The following TRAF3IP2 variants were observed in gnomAD, a reference collection of about 807,000 sequenced individuals.
TRAF3IP2 encodes TRAF3 interacting protein 2.
A neutral mutation model predicts 57.9 loss-of-function variants in TRAF3IP2; 35 were observed. The observed-to-expected ratio is 0.60, with a 90% CI of 0.46 to 0.80. TRAF3IP2 has a LOEUF of 0.80. Among genes scored for constraint, TRAF3IP2 ranks in the 30% least tolerant of loss-of-function variants. The probability of loss-of-function intolerance (pLI) is 0.00; values close to 1 mark genes in which losing one functional copy is unlikely to be tolerated. For missense variants in TRAF3IP2, 556 were observed against 706.4 expected (o/e 0.79, Z 2.41); for synonymous variants, 251 against 268.9 (o/e 0.93, Z 0.65).
rs73764011 is a variant in TRAF3IP2, at chr6:111,582,915, T to C, written c.830-2526A>G. Among the ~76,000 whole-genome samples the C allele has an allele frequency of 6.0e-3, 913 of 152,280 alleles. 13 individuals are homozygous for C. Among genetic ancestry groups the C allele is most frequent in the African/African-American group, 0.02 (843 of 41,584 alleles). Reference sequence around the variant, plus strand: ...TGGGATCCTGAGTTTGCCACCCTCTTTGTCCAGAATGTTTTTGCCCTAGAT... The same window carrying C: ...TGGGATCCTGAGTTTGCCACCCTCTCTGTCCAGAATGTTTTTGCCCTAGAT... On this transcript the variant is annotated intron_variant, in intron 2 of 8. Transcript: ENST00000368761.
At chr6:111,593,065 G>C (rs1038198766) in intron 1 of TRAF3IP2, among the ~76,000 whole-genome samples, 4 of 152,228 alleles carry the variant, frequency 2.6e-5, no homozygotes, top group Admixed American at 6.5e-5. Flanking sequence ...TCATTAAACT[G>C]ATTGAGATGA....
intron 1 of TRAF3IP2, among the ~76,000 whole-genome samples, chr6:111,594,986 C>T (rs536806922): frequency 1.3e-5 from 2 of 152,362 alleles, no homozygotes; most frequent in East Asian, 3.9e-4. Context: ...AGTCCCAACA[C>T]TTTGGAAGGC....
chr6:111,567,784 G>T, intron 5 of TRAF3IP2, 92 bp from the exon 6 acceptor site: 1 of 967,530 alleles, frequency 1.0e-6, no homozygotes, highest in Non-Finnish European at 1.4e-6. Context: ...TACATTTAAA[G>T]CTCCAAAACT....
At chr6:111,567,283 A>G in intron 6 of TRAF3IP2, 1 of 1,043,892 alleles carries the variant, frequency 9.6e-7, no homozygotes, top group Non-Finnish European at 1.2e-6. Context: ...ATTCTACAAA[A>G]CACTTGGGGT....
intron 1 of TRAF3IP2, among the ~76,000 whole-genome samples, chr6:111,603,901 A>G (rs1312258052): frequency 2.6e-5 from 4 of 152,356 alleles, no homozygotes; most frequent in African/African-American, 7.2e-5. Flanking sequence ...AGTGACTGGT[A>G]GCTGCAGCAG....
At position 111,555,768 on chromosome 6, in the gene TRAF3IP2, G is replaced by A. The variant is rs1403000068; in HGVS notation, c.*3637C>T. ...GACCAGCATAACATCTAAATCAACC[G>A]AGTGTTAATCTTATTGTCAGTGCTC... On this transcript the variant is annotated 3_prime_UTR_variant, in exon 9 of 9. Coordinates refer to ENST00000368761, the MANE Select transcript of TRAF3IP2 (RefSeq NM_147686.4). Among the ~76,000 whole-genome samples, 2 of 152,086 alleles carry A rather than the reference G, an allele frequency of 1.3e-5. No individual in the cohort carries two copies. Among genetic ancestry groups the A allele is most frequent in the African/African-American group, 2.4e-5 (1 of 41,408 alleles).
At position 111,559,423 on chromosome 6, in the gene TRAF3IP2, A is replaced by G. The variant is rs1795352510; in HGVS notation, c.1680T>C (p.Leu560=). The change falls in exon 9 of 9, where the codon CTT becomes CTC. Residue 560 remains leucine (L), a synonymous_variant. Coordinates refer to ENST00000368761, the MANE Select transcript of TRAF3IP2 (RefSeq NM_147686.4). ...AACGGTGTCACAAGGGAACCACCTG[A>G]AGGGTGGGCAGAGGCCCCCGTGGAG... is the stretch of plus-strand genomic sequence containing the variant. ...VAPPRGPLPT[L]QVVPL 1 of 1,613,874 alleles carries G rather than the reference A, an allele frequency of 6.2e-7. No homozygotes were observed.
At chr6:111,559,932 C>A (rs1359479173) in intron 8 of TRAF3IP2, among the ~76,000 whole-genome samples, 1 of 152,202 alleles carries the variant, frequency 6.6e-6, no homozygotes, top group Non-Finnish European at 1.5e-5. Context: ...TAAATCAATT[C>A]ATTACTCTTT....
intron 2 of TRAF3IP2, among the ~76,000 whole-genome samples, chr6:111,580,595 A>G (rs1411862321): frequency 6.6e-6 from 1 of 152,216 alleles, no homozygotes; most frequent in African/African-American, 2.4e-5. Context: ...GTCCTAAATA[A>G]AAACATCTGC....
At chr6:111,570,455 T>G (rs1397922976) in intron 5 of TRAF3IP2, among the ~76,000 whole-genome samples, 3 of 152,190 alleles carry the variant, frequency 2.0e-5, no homozygotes, top group Admixed American at 6.5e-5. Flanking sequence ...AATAGGCCCC[T>G]TATTACACTC....
At chr6:111,571,424 C>T (rs1207270681) in intron 5 of TRAF3IP2, among the ~76,000 whole-genome samples, 4 of 152,026 alleles carry the variant, frequency 2.6e-5, no homozygotes, top group African/African-American at 7.2e-5. Context: ...GTTGCCTAGG[C>T]TCGTCCCGAA....
intron 2 of TRAF3IP2, among the ~76,000 whole-genome samples, chr6:111,587,551 G>A (rs546630540): frequency 1.3e-4 from 20 of 151,874 alleles, no homozygotes; most frequent in Non-Finnish European, 2.8e-4. Flanking sequence ...CACTGCACCC[G>A]GCCGTTTGCT....
chr6:111,580,305 C>T lies in TRAF3IP2; in HGVS notation c.914G>A (p.Arg305Lys), dbSNP rs1410568465. 2.9e-5 allele frequency: 47 copies of T among 1,609,106 alleles called. No homozygotes were observed. The highest frequency in any genetic ancestry group is 4.0e-5 in the Non-Finnish European group (47 of 1,178,600). Reference sequence around the variant, plus strand: ...AACCTTCTGCACAGGGTGCAGGCCTCTCACACTGGCTCCAGGCAGGGGCTG... The same window carrying T: ...AACCTTCTGCACAGGGTGCAGGCCTTTCACACTGGCTCCAGGCAGGGGCTG... ...PGQPLPGASVRGLHPVQKVIL... is the reference protein window; with the variant it reads ...PGQPLPGASVKGLHPVQKVIL... Residue 305 changes from arginine to lysine, a missense_variant, in exon 3 of 9, where the codon AGA becomes AAA. Arg to Lys is a conservative substitution (Grantham distance 26, BLOSUM62 2). This residue lies in a region of TRAF3IP2 where 428 missense variants were observed against 498.7 expected (regional missense o/e 0.86). Transcript: ENST00000368761.
rs776715097 is a variant in TRAF3IP2, at chr6:111,591,843, A to T, written c.244T>A (p.Cys82Ser). 2 of 1,614,252 alleles carry T rather than the reference A, an allele frequency of 1.2e-6. No individual in the cohort carries two copies. The highest frequency in any genetic ancestry group is 1.7e-6 in the Non-Finnish European group (2 of 1,180,046). ...HQRPVSRQVTCLRTQVLEDSE... is the reference protein window; with the variant it reads ...HQRPVSRQVTSLRTQVLEDSE... ...TCCTCCAGAACTTGAGTGCGCAGGC[A>T]GGTGACCTGCCGGGATACAGGCCGC... The change falls in exon 2 of 9, where the codon TGC becomes AGC. Residue 82 changes from cysteine (C) to serine (S), a missense_variant. Cys to Ser is a moderately radical substitution (Grantham distance 112). Transcript: ENST00000368761. This position sits in a 1 kb window ranked among gnomAD's most constrained non-coding sequence, Gnocchi z 4.9.
rs1796512008 is a variant in TRAF3IP2, at chr6:111,591,491, T to C, written c.596A>G (p.Tyr199Cys). 1 of 1,610,038 alleles carries C rather than the reference T, an allele frequency of 6.2e-7. No homozygotes were observed. Among genetic ancestry groups the C allele is most frequent in the African/African-American group, 1.3e-5 (1 of 74,930 alleles). Residue 199 changes from tyrosine to cysteine, a missense_variant, in exon 2 of 9, where the codon TAT (tyrosine) becomes TGT (cysteine). Tyr to Cys is a radical substitution (Grantham distance 194). Transcript: ENST00000368761. This position sits in a 1 kb window ranked among gnomAD's most constrained non-coding sequence, Gnocchi z 4.9. ...CAGGACATCCTGGGGCTGGGAATCA[T>C]ATCCCGTGTCTATGGTTGGCAGATC... ...GLDLPTIDTG[Y>C]DSQPQDVLGI...
rs762108238 is a variant in TRAF3IP2 at position 111,566,465 on chromosome 6, A to G, written c.1455T>C (p.His485=). Residue 485 remains histidine, a synonymous_variant, in exon 7 of 9, where the codon CAT becomes CAC. Transcript: ENST00000368761. The part of the protein sequence containing the change: ...SQLDEDEHGL[H]TKYIHRMMQI... ...TCACCATTCGATGAATGTACTTAGT[A>G]TGTAAGCCATGCTCATCCTCGTCCA... 5 of 1,614,100 alleles carry G rather than the reference A, an allele frequency of 3.1e-6. No individual in the cohort carries two copies. Among genetic ancestry groups the G allele is most frequent in the South Asian group, 2.2e-5 (2 of 91,072 alleles).
At chr6:111,597,220 T>G (rs1344300919) in intron 1 of TRAF3IP2, among the ~76,000 whole-genome samples, 1 of 152,100 alleles carries the variant, frequency 6.6e-6, no homozygotes, top group Non-Finnish European at 1.5e-5. Context: ...AGCACCCAAG[T>G]TAGGTCTGGG....
chr6:111,595,998 T>A (rs901265191), intron 1 of TRAF3IP2, among the ~76,000 whole-genome samples: 1 of 151,988 alleles, frequency 6.6e-6, no homozygotes, highest in Non-Finnish European at 1.5e-5. Context: ...TGCTTGTCGC[T>A]CCCTCTTCAT....
rs1313337117 is a variant in TRAF3IP2, at chr6:111,556,476, C to T, written c.*2929G>A. ...TTGCTGATGTCATTTTATTTACAAA[C>T]GGGTGTCGAATCCTTAATGATGGTG... On this transcript the variant is annotated 3_prime_UTR_variant, in exon 9 of 9. Transcript: ENST00000368761. 6.6e-6 allele frequency: 1 copy of T among 152,002 alleles called. No homozygotes were observed. The highest frequency in any genetic ancestry group is 1.5e-5 in the Non-Finnish European group (1 of 68,002). 9.4% of individuals were successfully genotyped at this position (152,002 alleles called of 1,614,324 possible).
Sources: allele counts gnomAD v4.1 joint callset (sites outside exome capture counted in the v4.1 genomes callset), GRCh38; gene constraint gnomAD v4.1.1; regional missense constraint gnomAD v4.1.1; non-coding constraint Gnocchi (gnomAD v3.1); transcripts MANE v1.5; gene names NCBI Gene and HGNC (gene_info 2026-07-23, HGNC 2026-07-21).